The following MYH7B variants were observed in gnomAD, a reference collection of about 807,000 sequenced individuals.
The protein encoded by MYH7B is myosin heavy chain 7B.
Under a neutral mutation model 234.5 loss-of-function variants are expected in MYH7B, and 205 were observed. The observed-to-expected ratio is 0.87, with a 90% CI of 0.78 to 0.98. The LOEUF (loss-of-function observed/expected upper bound fraction) is 0.98. Ranked by LOEUF, MYH7B falls within the 50% of genes least tolerant of loss-of-function variation. The pLI is 0.00. For missense variants in MYH7B, 2,652 were observed against 2,633.4 expected (o/e 1.01, Z -0.15); for synonymous variants, 1,193 against 1,105.0 (o/e 1.08, Z -1.58).
intron 2 of MYH7B, among the ~76,000 whole-genome samples, chr20:34,967,427 A>G (rs1195917073): frequency 6.6e-6 from 1 of 151,974 alleles, no homozygotes; most frequent in Non-Finnish European, 1.5e-5. Flanking sequence ...CCCTCAGGAC[A>G]CTCAATATAG....
At chr20:34,984,700 G>A in exon 11 of MYH7B, 1 of 1,602,328 alleles carries the variant, frequency 6.2e-7, no homozygotes, top group Non-Finnish European at 8.5e-7. Flanking sequence ...AGCAATTTCT[G>A]GCAACAAAGA....
chr20:34,970,726 G>T (rs1020986569), intron 2 of MYH7B, among the ~76,000 whole-genome samples: 1 of 152,260 alleles, frequency 6.6e-6, no homozygotes, highest in Non-Finnish European at 1.5e-5. Context: ...ACTCCTGGGG[G>T]TAGGAGGTTG....
intron 5 of MYH7B, among the ~76,000 whole-genome samples, chr20:34,978,451 G>A (rs2081891668): frequency 6.6e-6 from 1 of 152,172 alleles, no homozygotes; most frequent in African/African-American, 2.4e-5. Flanking sequence ...ACTTGTGCTG[G>A]GGTTATTTTT....
chr20:34,989,774 G>GC lies in MYH7B; in HGVS notation c.1623dup (p.Met542HisfsTer31). On this transcript the variant is annotated frameshift_variant, in exon 20 of 45. Transcript: ENST00000262873. LOFTEE classifies it high-confidence loss of function. ...ATCCTGTCCATCCTGGAGGAGGAAT[G>GC]CATGTTCCCCAAGGCCTCAGACGCC... 1 of 1,614,140 alleles carries GC rather than the reference G, an allele frequency of 6.2e-7. No homozygotes were observed. Among genetic ancestry groups the GC allele is most frequent in the East Asian group, 2.2e-5 (1 of 44,880 alleles).
intron 27 of MYH7B, 100 bp downstream of exon 27, chr20:34,994,501 T>C (rs929465493): frequency 9.5e-6 from 13 of 1,363,848 alleles, no homozygotes; most frequent in African/African-American, 1.5e-5. Flanking sequence ...TCAGGCCTTA[T>C]GTCTCTCTGT....
chr20:34,963,497 T>G (rs1004075779), intron 2 of MYH7B, among the ~76,000 whole-genome samples: 1 of 152,280 alleles, frequency 6.6e-6, no homozygotes, highest in Non-Finnish European at 1.5e-5. Flanking sequence ...CTTCCTTATA[T>G]GTGATTTGCC....
chr20:34,979,763 C>G, exon 7 of MYH7B: 1 of 1,614,124 alleles, frequency 6.2e-7, no homozygotes, highest in South Asian at 1.1e-5. Flanking sequence ...GGCCTCTGTG[C>G]TGCACAACCT....
rs375471737 is a variant in MYH7B at position 34,996,656 on chromosome 20, C to A, written c.3164C>A (p.Thr1055Lys). The A allele has an allele frequency of 2.5e-6, 4 of 1,613,316 alleles. No homozygotes were observed. Among genetic ancestry groups the A allele is most frequent in the Non-Finnish European group, 3.4e-6 (4 of 1,179,890 alleles). ...CAGGAGAAGAAGCTGCGCATGGACACGGAGCGGGCCAAGCGCAAGCTGGAG... is the reference window on the plus strand; with the variant it reads ...CAGGAGAAGAAGCTGCGCATGGACAAGGAGCGGGCCAAGCGCAAGCTGGAG... The change falls in exon 30 of 45, where the codon ACG (threonine) becomes AAG (lysine). Residue 1055 changes from threonine to lysine, a missense_variant. Coordinates refer to ENST00000262873, the Ensembl canonical transcript of MYH7B.
At chr20:34,975,113 T>A (rs1439780109) in intron 2 of MYH7B, among the ~76,000 whole-genome samples, 1 of 152,122 alleles carries the variant, frequency 6.6e-6, no homozygotes, top group Non-Finnish European at 1.5e-5. Flanking sequence ...ATAAAAAAAA[T>A]AAAAATAAAA....
rs2081918635 is a variant in MYH7B at position 34,979,987 on chromosome 20, C to T, written c.342+183C>T. The stretch of plus-strand genomic sequence containing the variant: ...GTGAGCGATGAGGCGGGGCTCTGAG[C>T]AGTGGGGGCGGGGCTGGAGGTTGGG... On this transcript the variant is annotated intron_variant, in intron 7 of 44. Coordinates refer to ENST00000262873, the Ensembl canonical transcript of MYH7B. 8 of 558,804 alleles carry T rather than the reference C, an allele frequency of 1.4e-5. No homozygotes were observed. In the East Asian group the frequency reaches 2.5e-4, roughly 17 times the overall value. The allele number at this position is 558,804 out of a possible 1,614,324, so 34.6% of individuals were successfully genotyped here.
chr20:35,001,808 G>A, intron 43 of MYH7B, 140 bp from the exon 44 acceptor site: 1 of 1,320,214 alleles, frequency 7.6e-7, no homozygotes, highest in Non-Finnish European at 1.0e-6. Context: ...TTCCCGCTGT[G>A]GTATTGGTGA....
chr20:34,995,278 C>G (rs2082232980), intron 27 of MYH7B, 58 bp from the exon 28 acceptor site: 10 of 1,562,816 alleles, frequency 6.4e-6, no homozygotes, highest in Non-Finnish European at 8.7e-6. Context: ...GGCCTGGTGT[C>G]TCTCTGCTGG....
chr20:34,984,830 AC>A (rs751012043), intron 11 of MYH7B, 23 bp from the exon 12 acceptor site: 2 of 1,603,654 alleles, frequency 1.2e-6, no homozygotes, highest in African/African-American at 1.3e-5. Flanking sequence ...GAACTGACAG[AC>A]CCCCTCACCC....
At chr20:34,977,872 CT>C in intron 4 of MYH7B, 61 bp from the exon 5 acceptor site, 1 of 1,602,628 alleles carries the variant, frequency 6.2e-7, no homozygotes, top group South Asian at 1.1e-5. Context: ...CGCCTAGTAT[CT>C]GGTCTTGTGG....
chr20:34,985,128 CTG>C lies in MYH7B; in HGVS notation c.805+2_805+3del. 2 of 1,614,042 alleles carry C rather than the reference CTG, an allele frequency of 1.2e-6. No individual in the cohort carries two copies. The highest frequency in any genetic ancestry group is 8.5e-7 in the Non-Finnish European group (1 of 1,179,912). ...AGCTGGCATCCGCGGATATTGACAG[CTG>C]TGAGTCAACCCCCTGCGGGCGGTGC... On this transcript the variant is annotated splice_donor_variant and coding_sequence_variant, in exon 13 of 45. Coordinates refer to ENST00000262873, the Ensembl canonical transcript of MYH7B. LOFTEE classifies it high-confidence loss of function.
chr20:34,995,432 C>A, exon 28 of MYH7B: 1 of 1,613,778 alleles, frequency 6.2e-7, no homozygotes, highest in South Asian at 1.1e-5. Flanking sequence ...GAGTGAGCGG[C>A]TGGAGGATGA....
At position 34,974,270 on chromosome 20, in the gene MYH7B, A is replaced by T. The variant is rs142722634; in HGVS notation, c.-221-1130A>T. Among the ~76,000 whole-genome samples, 1,081 of 132,560 alleles carry T rather than the reference A, an allele frequency of 8.2e-3. 11 individuals are homozygous for T. The highest frequency in any genetic ancestry group is 0.021 in the Middle Eastern group (4 of 192). The allele number at this position is 132,560 out of a possible 152,430, so 87.0% of individuals were successfully genotyped here. A position where few individuals can be genotyped will look rare whatever the true frequency, so the allele number is the denominator to read the frequency against. On this transcript the variant is annotated intron_variant, in intron 2 of 44. Transcript: ENST00000262873. ...TTTTAAGTAGAAACGGGGTTTCATCATGTTGGCCAGGCTGGTCTCAAACTC... is the reference window on the plus strand; with the variant it reads ...TTTTAAGTAGAAACGGGGTTTCATCTTGTTGGCCAGGCTGGTCTCAAACTC...
At chr20:34,990,354 C>G in intron 22 of MYH7B, 44 bp downstream of exon 22, 1 of 1,607,098 alleles carries the variant, frequency 6.2e-7, no homozygotes. Context: ...TTGGCAGCCT[C>G]CAGCCCCGTC....
At chr20:34,969,222 C>A (rs1456749844) in intron 2 of MYH7B, among the ~76,000 whole-genome samples, 1 of 152,138 alleles carries the variant, frequency 6.6e-6, no homozygotes, top group African/African-American at 2.4e-5. Flanking sequence ...TGAGGACCAG[C>A]CCTCACCCAG....
Sources: gnomAD v4.1 joint callset for allele counts (sites outside exome capture counted in the v4.1 genomes callset) on GRCh38, gnomAD v4.1.1 for gene constraint, MANE v1.5 for transcripts, NCBI Gene and HGNC (gene_info 2026-07-23, HGNC 2026-07-21) for gene names.